Variants in KCTD16 observed in about 807,000 individuals in gnomAD.
KCTD16 encodes the protein BTB/POZ domain-containing protein KCTD16.
A neutral mutation model predicts 33.2 loss-of-function variants in KCTD16; 13 were observed. The observed-to-expected ratio is 0.39, with a 90% CI of 0.25 to 0.62. The LOEUF is 0.62. Ranked by LOEUF, KCTD16 falls within the 20% of genes least tolerant of loss-of-function variation. The probability of loss-of-function intolerance (pLI) is 0.50; values close to 1 mark genes in which losing one functional copy is unlikely to be tolerated. For missense variants in KCTD16, 441 were observed against 525.1 expected, an observed-to-expected ratio of 0.84 and a Z score of 1.57; for synonymous variants, 197 against 195.3, an observed-to-expected ratio of 1.01 and a Z score of -0.07.
chr5:144,392,884 C>T (rs766908411), intron 3 of KCTD16, among the ~76,000 whole-genome samples: 32 of 152,214 alleles, frequency 2.1e-4, no homozygotes, highest in Admixed American at 7.2e-4. Context: ...ACAGTTCCTC[C>T]GCTGGCCAGC....
At chr5:144,447,328 G>A (rs1439342742) in intron 3 of KCTD16, among the ~76,000 whole-genome samples, 1 of 152,112 alleles carries the variant, frequency 6.6e-6, no homozygotes, top group Non-Finnish European at 1.5e-5. Context: ...AACACTGCAT[G>A]TTCTCACTCA....
At chr5:144,205,334 A>G (rs1052897759) in intron 2 of KCTD16, 1 of 390,950 alleles carries the variant, frequency 2.6e-6, no homozygotes, top group Non-Finnish European at 4.5e-6. Context: ...TTCCTTTAAG[A>G]TGATGTAATA....
chr5:144,304,260 G>A (rs947903853), intron 3 of KCTD16, among the ~76,000 whole-genome samples: 9 of 152,184 alleles, frequency 5.9e-5, no homozygotes, highest in African/African-American at 2.2e-4. Flanking sequence ...TAGTGCTGTG[G>A]GGAAAGGAAA....
rs937658577 is a variant in KCTD16, at chr5:144,482,816, T to G, written c.*8702T>G. 3.3e-5 allele frequency: 5 copies of G among 151,758 alleles called. No individual in the cohort carries two copies. Among genetic ancestry groups the G allele is most frequent in the African/African-American group, 1.2e-4 (5 of 41,344 alleles). 9.4% of individuals were successfully genotyped at this position (151,758 alleles called of 1,614,324 possible). On this transcript the variant is annotated 3_prime_UTR_variant, in exon 4 of 4. Coordinates refer to ENST00000512467, the MANE Select transcript of KCTD16 (RefSeq NM_020768.4). ...GTATATATAAATATATATCTATAGC[T>G]GTACATATGTATACACCCATAAACA...
intron 3 of KCTD16, among the ~76,000 whole-genome samples, chr5:144,348,659 G>A (rs1033651128): frequency 1.3e-5 from 2 of 152,156 alleles, no homozygotes; most frequent in Non-Finnish European, 2.9e-5. Flanking sequence ...CAAAGATATT[G>A]TATTCTGAAT....
intron 3 of KCTD16, among the ~76,000 whole-genome samples, chr5:144,430,423 C>A (rs961396992): frequency 8.5e-5 from 13 of 152,048 alleles, no homozygotes; most frequent in Admixed American, 2.0e-4. Flanking sequence ...GTGGCAGATG[C>A]ATTTTAGTAG....
At chr5:144,386,014 G>A (rs1482801779) in intron 3 of KCTD16, among the ~76,000 whole-genome samples, 1 of 151,960 alleles carries the variant, frequency 6.6e-6, no homozygotes, top group African/African-American at 2.4e-5. Context: ...TTAAAATATT[G>A]TTCTTATGTT....
chr5:144,250,217 G>A (rs1297793291), intron 3 of KCTD16, among the ~76,000 whole-genome samples: 2 of 152,130 alleles, frequency 1.3e-5, no homozygotes, highest in African/African-American at 4.8e-5. Flanking sequence ...ACTTTCTACA[G>A]TACTCATTGC....
intron 3 of KCTD16, among the ~76,000 whole-genome samples, chr5:144,421,811 G>C (rs1390495377): frequency 6.6e-6 from 1 of 152,122 alleles, no homozygotes; most frequent in Non-Finnish European, 1.5e-5. Context: ...TCAACCCTTA[G>C]AATCCAGGGA....
At chr5:144,231,067 A>G (rs1754086925) in intron 3 of KCTD16, among the ~76,000 whole-genome samples, 1 of 152,210 alleles carries the variant, frequency 6.6e-6, no homozygotes, top group African/African-American at 2.4e-5. Context: ...TTTATCCTGG[A>G]TGGTGGAGAG....
At chr5:144,404,043 G>A (rs1752760679) in intron 3 of KCTD16, among the ~76,000 whole-genome samples, 1 of 152,154 alleles carries the variant, frequency 6.6e-6, no homozygotes, top group Admixed American at 6.5e-5. Context: ...GCCTCTGGAA[G>A]GGTGGAGCGT....
chr5:144,320,690 T>C (rs1752047279), intron 3 of KCTD16, among the ~76,000 whole-genome samples: 1 of 152,082 alleles, frequency 6.6e-6, no homozygotes, highest in Admixed American at 6.6e-5. Flanking sequence ...ATGAGTGTTA[T>C]GGTTTAGAAT....
intron 2 of KCTD16, among the ~76,000 whole-genome samples, chr5:144,179,530 G>A (rs1238833808): frequency 6.6e-6 from 1 of 152,206 alleles, no homozygotes; most frequent in Non-Finnish European, 1.5e-5. Flanking sequence ...CATCTGTCCA[G>A]TGTTGAGTAT....
At chr5:144,381,657 G>T (rs1032997668) in intron 3 of KCTD16, among the ~76,000 whole-genome samples, 1 of 152,150 alleles carries the variant, frequency 6.6e-6, no homozygotes, top group African/African-American at 2.4e-5. Context: ...CTCAGAGCAG[G>T]AGCTCACTTA....
rs1293716095 is a variant in KCTD16 at position 144,479,361 on chromosome 5, A to G, written c.*5247A>G. On this transcript the variant is annotated 3_prime_UTR_variant, in exon 4 of 4. Transcript: ENST00000512467. ...GAAGCCAAACTGATGTGTAAGAATA[A>G]ATGCAAAAAAAAAAAAAAAAGAAAA... 1 of 145,340 alleles carries G rather than the reference A, an allele frequency of 6.9e-6. No homozygotes were observed. The highest frequency in any genetic ancestry group is 2.5e-5 in the African/African-American group (1 of 40,106). The allele number at this position is 145,340 out of a possible 1,614,324, so 9.0% of individuals were successfully genotyped here. A position where few individuals can be genotyped will look rare whatever the true frequency, so the allele number is the denominator to read the frequency against.
chr5:144,405,942 A>G (rs544699985), intron 3 of KCTD16, among the ~76,000 whole-genome samples: 9 of 152,288 alleles, frequency 5.9e-5, no homozygotes, highest in African/African-American at 1.7e-4. Context: ...TGAGTTTCCA[A>G]TGGAGTGGAT....
chr5:144,273,306 TAAAAC>T (rs1255346704), intron 3 of KCTD16, among the ~76,000 whole-genome samples: 1 of 151,904 alleles, frequency 6.6e-6, no homozygotes, highest in African/African-American at 2.4e-5. Flanking sequence ...CTATCAAAAA[TAAAAC>T]AAATCAGAAA....
intron 3 of KCTD16, among the ~76,000 whole-genome samples, chr5:144,230,382 A>G (rs900630268): frequency 1.1e-4 from 16 of 152,222 alleles, no homozygotes; most frequent in African/African-American, 3.9e-4. Flanking sequence ...GATAAGAACC[A>G]TATATCTCAA....
chr5:144,270,350 A>T (rs1755258528), intron 3 of KCTD16, among the ~76,000 whole-genome samples: 1 of 151,958 alleles, frequency 6.6e-6, no homozygotes, highest in African/African-American at 2.4e-5. Context: ...ATCTTCTCTG[A>T]CAACAATGGG....
Sources: allele counts gnomAD v4.1 joint callset (sites outside exome capture counted in the v4.1 genomes callset), GRCh38; gene constraint gnomAD v4.1.1; transcripts MANE v1.5; gene names NCBI Gene and HGNC (gene_info 2026-07-23, HGNC 2026-07-21).